SMC1B: variants seen among roughly 807,000 people sequenced by gnomAD.
SMC1B encodes structural maintenance of chromosomes 1B, also known as structural maintenance of chromosomes protein 1B.
A neutral mutation model predicts 157.9 loss-of-function variants in SMC1B; 60 were observed. The observed-to-expected ratio is 0.38, with a 90% confidence interval of 0.31 to 0.47. The LOEUF is 0.47. SMC1B is among the 20% of genes least tolerant of loss of function. The pLI, the probability that SMC1B is intolerant of heterozygous loss-of-function variation, is 0.99. For missense variants in SMC1B, 1,165 were observed against 1,426.2 expected, an observed-to-expected ratio of 0.82 and a Z score of 2.95; for synonymous variants, 445 against 483.0, an observed-to-expected ratio of 0.92 and a Z score of 1.03.
intron 1 of SMC1B, among the ~76,000 whole-genome samples, chr22:45,409,564 C>CTAAATAAATAAA (rs71770434): frequency 5.0e-5 from 7 of 140,836 alleles, no homozygotes; most frequent in East Asian, 2.1e-4. Context: ...GACTCCAACT[C>CTAAATAAATAAA]TAAATAAATA....
At chr22:45,355,731 T>TG (rs5845705) in intron 19 of SMC1B, among the ~76,000 whole-genome samples, 152,311 of 152,312 alleles carry the variant, frequency 1, 76,155 homozygotes, top group Middle Eastern at 1. Context: ...AGAGAAAAAG[T>TG]GCCACGCCCT....
intron 15 of SMC1B, among the ~76,000 whole-genome samples, chr22:45,367,271 T>C (rs528853181): frequency 9.8e-5 from 15 of 152,338 alleles, no homozygotes; most frequent in Middle Eastern, 3.4e-3. Context: ...ATTTGCAATA[T>C]ACCTGTTGGG....
intron 9 of SMC1B, among the ~76,000 whole-genome samples, chr22:45,390,697 C>G (rs1602083670): frequency 9.2e-6 from 1 of 109,042 alleles, no homozygotes; most frequent in East Asian, 2.8e-4. Flanking sequence ...GAGCAAGACT[C>G]CATCTTAAAA....
At chr22:45,371,730 C>A in intron 13 of SMC1B, 143 bp from the exon 14 acceptor site, 1 of 1,036,436 alleles carries the variant, frequency 9.6e-7, no homozygotes, top group Non-Finnish European at 1.3e-6. Context: ...TTAAATACCA[C>A]ATAAATAATT....
At chr22:45,346,089 C>A (rs902587955) in intron 23 of SMC1B, among the ~76,000 whole-genome samples, 1 of 151,772 alleles carries the variant, frequency 6.6e-6, no homozygotes, top group African/African-American at 2.4e-5. Flanking sequence ...CCTATAATCC[C>A]AGCTACTCGG....
chr22:45,398,599 G>T (rs1216299879), intron 6 of SMC1B, among the ~76,000 whole-genome samples: 1 of 152,216 alleles, frequency 6.6e-6, no homozygotes, highest in East Asian at 1.9e-4. Flanking sequence ...GGAGGCCAAG[G>T]CAGGTGGATC....
intron 12 of SMC1B, among the ~76,000 whole-genome samples, chr22:45,382,526 T>C (rs1047038985): frequency 2.0e-5 from 3 of 152,206 alleles, no homozygotes; most frequent in South Asian, 2.1e-4. Context: ...AAATGTTCTA[T>C]GTCATGAGTG....
intron 13 of SMC1B, 130 bp from the exon 14 acceptor site, chr22:45,371,717 A>T: frequency 8.9e-7 from 1 of 1,126,218 alleles, no homozygotes; most frequent in Admixed American, 3.1e-5. Flanking sequence ...CCTGGATAAA[A>T]GGTTAAATAC....
At chr22:45,366,030 T>C (rs1055087265) in intron 15 of SMC1B, among the ~76,000 whole-genome samples, 1 of 152,132 alleles carries the variant, frequency 6.6e-6, no homozygotes, top group African/African-American at 2.4e-5. Context: ...GTTTGTTTGT[T>C]TGTTTGTTTT....
At chr22:45,363,216 C>A (rs2086738518) in intron 15 of SMC1B, among the ~76,000 whole-genome samples, 190 bp from the exon 16 acceptor site, 1 of 152,116 alleles carries the variant, frequency 6.6e-6, no homozygotes, top group African/African-American at 2.4e-5. Context: ...CACTAATTGA[C>A]CCTCCCACCA....
intron 22 of SMC1B, among the ~76,000 whole-genome samples, chr22:45,351,190 A>G (rs908573047): frequency 6.6e-6 from 1 of 152,168 alleles, no homozygotes; most frequent in Non-Finnish European, 1.5e-5. Flanking sequence ...TCTATATTGG[A>G]TAATTAGTTT....
chr22:45,361,674 G>A (rs1295127775), intron 17 of SMC1B, among the ~76,000 whole-genome samples, 165 bp downstream of exon 17: 1 of 152,140 alleles, frequency 6.6e-6, no homozygotes, highest in East Asian at 1.9e-4. Context: ...ACTTCTCCTG[G>A]TTGAGAATGT....
At chr22:45,407,873 T>G (rs1219058764) in intron 2 of SMC1B, among the ~76,000 whole-genome samples, 5 of 152,204 alleles carry the variant, frequency 3.3e-5, no homozygotes. Flanking sequence ...CTGGTCTCTT[T>G]TCTATCCACA....
In SMC1B at chr22:45,393,813, C is replaced by T; in HGVS notation, c.1366G>A (p.Glu456Lys). The T allele has an allele frequency of 6.2e-7, 1 of 1,611,516 alleles. No homozygotes were observed. The highest frequency in any genetic ancestry group is 1.1e-5 in the South Asian group (1 of 90,774). Residue 456 changes from glutamate to lysine, a missense_variant, in exon 9 of 25, where the codon GAG becomes AAG. By Grantham distance (56) the Glu-to-Lys change is moderately conservative (BLOSUM62 1). Coordinates refer to ENST00000357450, the MANE Select transcript of SMC1B (RefSeq NM_148674.5). ...MDCLKEKKQQ[E>K]ETLVDEIEKT... is the part of the protein sequence containing the mutation. ...TCAATTTCATCCACTAGGGTTTCCT[C>T]TTGCTGTTTTTTCTCTTTCAAGCAA... is the stretch of plus-strand genomic sequence containing the variant.
Position 45,394,689 on chromosome 22 carries a change from A to T in SMC1B, c.1333T>A (p.Cys445Ser). ...IEKLEEYTKT[C>S]MDCLKEKKQQ... ...AATTTTTTTTACTCTACCTACATGC[A>T]TGTCTTTGTATACTCCTCTAACTTC... Residue 445 changes from cysteine (C) to serine (S), a missense_variant, in exon 8 of 25, where the codon TGC (cysteine) becomes AGC (serine). Physicochemically the swap from Cys to Ser is moderately radical, Grantham distance 112. Coordinates refer to ENST00000357450, the MANE Select transcript of SMC1B (RefSeq NM_148674.5). 6.5e-7 allele frequency: 1 copy of T among 1,547,848 alleles called. No homozygotes were observed. The highest frequency in any genetic ancestry group is 8.7e-7 in the Non-Finnish European group (1 of 1,143,672).
In SMC1B at chr22:45,359,836, G is replaced by A. The variant is rs201958107; in HGVS notation, c.2831C>T (p.Ser944Leu). 12 of 1,613,596 alleles carry A rather than the reference G, an allele frequency of 7.4e-6. No homozygotes were observed. The highest frequency in any genetic ancestry group is 1.3e-5 in the African/African-American group (1 of 75,022). The change falls in exon 18 of 25, where the codon TCG becomes TTG. Residue 944 changes from serine to leucine, a missense_variant. Coordinates refer to ENST00000357450, the MANE Select transcript of SMC1B (RefSeq NM_148674.5). ...TTCAATGATGTCATCCAGTGACCCCGACAAAAGGATTATCTCAATGTCTTG... is the reference window on the plus strand; with the variant it reads ...TTCAATGATGTCATCCAGTGACCCCAACAAAAGGATTATCTCAATGTCTTG... ...KVQDIEIILL[S>L]GSLDDIIEVE...
chr22:45,380,561 C>T (rs1396880373), intron 12 of SMC1B, among the ~76,000 whole-genome samples: 1 of 152,100 alleles, frequency 6.6e-6, no homozygotes, highest in African/African-American at 2.4e-5. Flanking sequence ...TGCCAGGTTA[C>T]AAATTTGGTT....
At position 45,362,888 on chromosome 22, in the gene SMC1B, C is replaced by A; in HGVS notation, c.2559G>T (p.Lys853Asn). ...TCAGCTACCCATTATTAATTACCTT[C>A]TTTAGGTGATCAATATCTTCACTAC... The part of the protein sequence containing the change: ...QKGSEDIDHL[K>N]KAEENCLQTV... The change falls in exon 16 of 25, where the codon AAG (lysine) becomes AAT (asparagine). Residue 853 changes from lysine (K) to asparagine (N), a missense_variant. Lys to Asn is a moderately conservative substitution (Grantham distance 94, BLOSUM62 0). Coordinates refer to ENST00000357450, the MANE Select transcript of SMC1B (RefSeq NM_148674.5). 6.3e-7 allele frequency: 1 copy of A among 1,589,960 alleles called. No individual in the cohort carries two copies. Among genetic ancestry groups the A allele is most frequent in the African/African-American group, 1.4e-5 (1 of 73,770 alleles).
chr22:45,358,610 CTT>C lies in SMC1B; in HGVS notation c.2961+85_2961+86del, dbSNP rs2086691421. The C allele has an allele frequency of 4.9e-6, 4 of 823,854 alleles. No homozygotes were observed. In the South Asian group the frequency reaches 5.7e-5, roughly 12 times the overall value. The allele number at this position is 823,854 out of a possible 1,614,324, so 51.0% of individuals were successfully genotyped here. ...AGGAAATCTTTTAAAAAAAAACAAA[CTT>C]AATTCTATCATCCAAAAATGATTCG... On this transcript the variant is annotated intron_variant, in intron 19 of 24. Coordinates refer to ENST00000357450, the MANE Select transcript of SMC1B (RefSeq NM_148674.5).
Sources: allele counts gnomAD v4.1 joint callset (sites outside exome capture counted in the v4.1 genomes callset), GRCh38; gene constraint gnomAD v4.1.1; transcripts MANE v1.5; gene names NCBI Gene and HGNC (gene_info 2026-07-23, HGNC 2026-07-21).